BCAS3: variants seen among roughly 807,000 people sequenced by gnomAD.
The protein encoded by BCAS3 is BCAS4/BCAS3 fusion.
Under a neutral mutation model 116.1 loss-of-function variants are expected in BCAS3, and 53 were observed. The ratio of observed to expected loss-of-function variants is 0.46; its 90% CI spans 0.37 to 0.57. The LOEUF is 0.57. Ranked by LOEUF, BCAS3 falls within the 20% of genes least tolerant of loss-of-function variation. The pLI is 0.00. For synonymous variants in BCAS3, 391 were observed against 408.2 expected (o/e 0.96, Z 0.51); for missense variants, 917 against 1,165.4 (o/e 0.79, Z 3.10).
intron 22 of BCAS3, among the ~76,000 whole-genome samples, chr17:61,301,498 G>C (rs545755360): frequency 6.6e-6 from 1 of 152,156 alleles, no homozygotes; most frequent in African/African-American, 2.4e-5. Context: ...TTAGCTGGGC[G>C]TGGTGGCAGG....
chr17:61,160,769 G>A (rs1308773758), intron 22 of BCAS3, among the ~76,000 whole-genome samples: 1 of 152,116 alleles, frequency 6.6e-6, no homozygotes, highest in Non-Finnish European at 1.5e-5. Flanking sequence ...TGAAGCGGGG[G>A]TTGGGTAAGG....
chr17:60,934,358 A>G (rs2059812270), intron 13 of BCAS3, among the ~76,000 whole-genome samples: 3 of 152,244 alleles, frequency 2.0e-5, no homozygotes. Context: ...GAATATGTGA[A>G]TGCATACATT....
intron 22 of BCAS3, among the ~76,000 whole-genome samples, chr17:61,107,082 C>CTTTTTTT (rs755754824): frequency 2.2e-4 from 23 of 106,360 alleles, no homozygotes; most frequent in Non-Finnish European, 3.3e-4. Flanking sequence ...ACTAGGCTTA[C>CTTTTTTT]TTTTTTTTTT....
At chr17:60,825,256 T>C (rs8067591) in intron 7 of BCAS3, among the ~76,000 whole-genome samples, 13,919 of 151,908 alleles carry the variant, frequency 0.092, 2,136 homozygotes, top group African/African-American at 0.32. Flanking sequence ...TTTTATTTAA[T>C]GATGAATATT....
intron 7 of BCAS3, among the ~76,000 whole-genome samples, chr17:60,818,403 A>G (rs2144670376): frequency 6.6e-6 from 1 of 152,308 alleles, no homozygotes; most frequent in East Asian, 1.9e-4. Flanking sequence ...TACTGCAGTG[A>G]CTTTATTTCA....
intron 6 of BCAS3, among the ~76,000 whole-genome samples, chr17:60,796,361 T>G (rs2047213507): frequency 6.6e-6 from 1 of 152,056 alleles, no homozygotes; most frequent in African/African-American, 2.4e-5. Flanking sequence ...GGTCCTGGAC[T>G]TTTTTTTGTT....
chr17:61,164,095 C>T (rs2078336548), intron 22 of BCAS3, among the ~76,000 whole-genome samples: 3 of 134,614 alleles, frequency 2.2e-5, no homozygotes, highest in African/African-American at 8.6e-5. Context: ...AAAGACATGA[C>T]TTTTTTTTTT....
At chr17:61,246,856 A>T (rs1423208534) in intron 22 of BCAS3, among the ~76,000 whole-genome samples, 1 of 151,254 alleles carries the variant, frequency 6.6e-6, no homozygotes, top group East Asian at 1.9e-4. Flanking sequence ...TAATTGACAA[A>T]GCAATCATGA....
At chr17:60,866,016 C>T (rs2054561932) in intron 7 of BCAS3, among the ~76,000 whole-genome samples, 1 of 152,138 alleles carries the variant, frequency 6.6e-6, no homozygotes, top group South Asian at 2.1e-4. Flanking sequence ...ATGGTAGTTT[C>T]CCCCCTTTTT....
chr17:61,231,502 T>C (rs1840634653), intron 22 of BCAS3, among the ~76,000 whole-genome samples: 1 of 152,048 alleles, frequency 6.6e-6, no homozygotes, highest in South Asian at 2.1e-4. Context: ...AAGCTGTTTT[T>C]AACCCATACC....
chr17:61,382,017 A>T (rs922628596), intron 23 of BCAS3, among the ~76,000 whole-genome samples: 7 of 151,942 alleles, frequency 4.6e-5, no homozygotes, highest in Non-Finnish European at 7.4e-5. Context: ...AAATACCCCC[A>T]CTTATTAAGA....
Position 61,205,257 on chromosome 17 carries a change from A to G in BCAS3, c.2425+120693A>G, listed in dbSNP as rs777772017. On this transcript the variant is annotated intron_variant, in intron 22 of 23. Transcript: ENST00000407086. This position sits in a 1 kb window ranked among gnomAD's most constrained non-coding sequence, Gnocchi z 5.2. ...TATATCCTAAATTGGATACAGCCAG[A>G]GAATAGTTTACTGATAAAATATGTT... is the stretch of plus-strand genomic sequence containing the variant. 3.3e-5 allele frequency among the ~76,000 whole-genome samples: 5 copies of G among 152,232 alleles called. No individual in the cohort carries two copies. Among genetic ancestry groups the G allele is most frequent in the Admixed American group, 6.5e-5 (1 of 15,288 alleles).
intron 7 of BCAS3, among the ~76,000 whole-genome samples, chr17:60,850,668 C>A (rs1401692596): frequency 6.6e-6 from 1 of 152,014 alleles, no homozygotes; most frequent in Admixed American, 6.6e-5. Context: ...CAATTTTAGA[C>A]CTTTTCTGAC....
At chr17:61,386,389 C>T (rs976169945) in intron 23 of BCAS3, among the ~76,000 whole-genome samples, 8 of 152,230 alleles carry the variant, frequency 5.3e-5, no homozygotes, top group African/African-American at 1.9e-4. Flanking sequence ...GCTGTGGGTG[C>T]AGGGTCAGAC....
In BCAS3 at chr17:61,045,894, A is replaced by ATATT. The variant is rs1724097806; in HGVS notation, c.2029+5002_2029+5003insTATT. Among the ~76,000 whole-genome samples, 3 of 34,902 alleles carry ATATT rather than the reference A, an allele frequency of 8.6e-5. No individual in the cohort carries two copies. In the African/African-American group the frequency reaches 1.5e-3, roughly 17 times the overall value. 22.9% of individuals were successfully genotyped at this position (34,902 alleles called of 152,430 possible). On this transcript the variant is annotated intron_variant, in intron 19 of 23. Transcript: ENST00000407086. ...ATATATAAATATATATTATATATAT[A>ATATT]ATATATATAAATATATATTTATATA...
chr17:60,957,671 A>C (rs2061209742), intron 14 of BCAS3, among the ~76,000 whole-genome samples: 1 of 152,090 alleles, frequency 6.6e-6, no homozygotes, highest in South Asian at 2.1e-4. Flanking sequence ...ATTAGCAGTC[A>C]CTCCTCATTC....
rs78178846 is a variant in BCAS3 at position 60,858,909 on chromosome 17, A to G, written c.477-9667A>G. Among the ~76,000 whole-genome samples, 279 of 152,250 alleles carry G rather than the reference A, an allele frequency of 1.8e-3. 3 individuals are homozygous for G. The highest frequency in any genetic ancestry group is 6.4e-3 in the African/African-American group (264 of 41,524). ...CTTCTTTAATCAAGTATCTTTAAAC[A>G]TATTAGGGCCATTAAAAAACTGTAT... On this transcript the variant is annotated intron_variant, in intron 7 of 23. Coordinates refer to ENST00000407086, the MANE Select transcript of BCAS3 (RefSeq NM_017679.5).
chr17:60,913,200 A>C (rs1229065485), intron 12 of BCAS3, among the ~76,000 whole-genome samples: 1 of 152,100 alleles, frequency 6.6e-6, no homozygotes, highest in Non-Finnish European at 1.5e-5. Flanking sequence ...ATTAAGAAGA[A>C]TCATAGAAAT....
chr17:60,896,439 T>A (rs759037686), intron 10 of BCAS3, among the ~76,000 whole-genome samples: 1 of 152,244 alleles, frequency 6.6e-6, no homozygotes, highest in African/African-American at 2.4e-5. Flanking sequence ...GTATTTCAGT[T>A]TATCTCTCTC....
Sources: allele counts gnomAD v4.1 joint callset (sites outside exome capture counted in the v4.1 genomes callset), GRCh38; gene constraint gnomAD v4.1.1; non-coding constraint Gnocchi (gnomAD v3.1); transcripts MANE v1.5; gene names NCBI Gene and HGNC (gene_info 2026-07-23, HGNC 2026-07-21).